Variants in CHD5 observed in about 807,000 individuals in gnomAD.
The protein encoded by CHD5 is ATP-dependent chromatin remodeler CHD5.
Under a neutral mutation model 230.3 loss-of-function variants are expected in CHD5, and 69 were observed. The ratio of observed to expected loss-of-function variants is 0.30; its 90% confidence interval spans 0.25 to 0.37. The LOEUF (loss-of-function observed/expected upper bound fraction) is 0.37, where lower values mean the gene tolerates loss of function less well. CHD5 is among the 10% of genes least tolerant of loss of function. The pLI is 1.00. For missense variants in CHD5, 1,827 were observed against 2,622.8 expected (o/e 0.70, Z 6.63); for synonymous variants, 1,064 against 1,065.9 (o/e 1.00, Z 0.03).
At chr1:6,156,598 C>A (rs527911239) in intron 3 of CHD5, among the ~76,000 whole-genome samples, 5 of 152,054 alleles carry the variant, frequency 3.3e-5, no homozygotes, top group Non-Finnish European at 7.4e-5. Flanking sequence ...GCTACGTCAG[C>A]CCTTGTGAAG....
At position 6,130,397 on chromosome 1, in the gene CHD5, G is replaced by A. The variant is rs1666636243; in HGVS notation, c.3263-69C>T. On this transcript the variant is annotated intron_variant, in intron 21 of 41. Coordinates refer to ENST00000262450, the MANE Select transcript of CHD5 (RefSeq NM_015557.3). The surrounding 1 kb of genome is among the most constrained non-coding windows in gnomAD (Gnocchi z 4.9). ...ACCTTGGGTGGGCAGAAAGGATGGG[G>A]GAGAGAACAGAGAGAAGGAACTGCA... 3 of 1,423,780 alleles carry A rather than the reference G, an allele frequency of 2.1e-6. No homozygotes were observed. Among genetic ancestry groups the A allele is most frequent in the Non-Finnish European group, 2.9e-6 (3 of 1,025,444 alleles). 88.2% of individuals were successfully genotyped at this position (1,423,780 alleles called of 1,614,324 possible). A position where few individuals can be genotyped will look rare whatever the true frequency, so the allele number is the denominator to read the frequency against.
chr1:6,159,408 G>A lies in CHD5; in HGVS notation c.315C>T (p.Asp105=), dbSNP rs2100872873. Reference sequence around the variant, plus strand: ...TTCGCTTGGCTTTTTTCTCCTTCTTGTCCTTGAGTTTCTTCTTCTTCTTTT... The same window carrying A: ...TTCGCTTGGCTTTTTTCTCCTTCTTATCCTTGAGTTTCTTCTTCTTCTTTT... ...PNKKKKKKLK[D]KKEKKAKRKK... The change falls in exon 3 of 42, where the codon GAC becomes GAT. Residue 105 remains aspartate, a synonymous_variant. Coordinates refer to ENST00000262450, the MANE Select transcript of CHD5 (RefSeq NM_015557.3). The A allele has an allele frequency of 6.4e-7, 1 of 1,556,766 alleles. No individual in the cohort carries two copies.
At chr1:6,161,861 G>C (rs1392110874) in intron 2 of CHD5, among the ~76,000 whole-genome samples, 1 of 152,190 alleles carries the variant, frequency 6.6e-6, no homozygotes, top group Non-Finnish European at 1.5e-5. Context: ...AAGGGGCCCT[G>C]GGTGGCCTTC....
intron 9 of CHD5, among the ~76,000 whole-genome samples, chr1:6,147,470 G>C (rs1463273482): frequency 2.0e-4 from 31 of 152,228 alleles, no homozygotes; most frequent in Admixed American, 2.0e-3. Flanking sequence ...ACAGATGCTA[G>C]GGTGACAGTG....
Position 6,103,535 on chromosome 1 carries a change from C to A in CHD5, c.*1939G>T, listed in dbSNP as rs1666109190. 2 of 152,390 alleles carry A rather than the reference C, an allele frequency of 1.3e-5. No individual in the cohort carries two copies. The highest frequency in any genetic ancestry group is 6.5e-5 in the Admixed American group (1 of 15,288). The allele number at this position is 152,390 out of a possible 1,614,324, so 9.4% of individuals were successfully genotyped here. ...GGCACTGCTCCCAACGAGGGCCAAC[C>A]CCAGTGCTTGCCACTGCTTGTTTGG... On this transcript the variant is annotated 3_prime_UTR_variant, in exon 42 of 42. Transcript: ENST00000262450.
chr1:6,122,892 A>G (rs1666493316), intron 31 of CHD5, among the ~76,000 whole-genome samples: 1 of 152,122 alleles, frequency 6.6e-6, no homozygotes, highest in South Asian at 2.1e-4. Context: ...CAACATGGCG[A>G]AACCCCGTCT....
intron 9 of CHD5, among the ~76,000 whole-genome samples, chr1:6,147,421 C>A (rs1666928697): frequency 6.6e-6 from 1 of 152,180 alleles, no homozygotes; most frequent in Non-Finnish European, 1.5e-5. Context: ...CAATGAGGCC[C>A]CATCTCTGGC....
rs192081381 is a variant in CHD5, at chr1:6,118,210, T to C, written c.4912+2895A>G. On this transcript the variant is annotated intron_variant, in intron 33 of 41. Transcript: ENST00000262450. ...GGGCAACATGGCAAAACCCCGTCTC[T>C]ACAAAGAATACAAAAATTAGCCGGG... 4.4e-3 allele frequency among the ~76,000 whole-genome samples: 672 copies of C among 151,960 alleles called. 4 individuals carry two copies. Among genetic ancestry groups the C allele is most frequent in the African/African-American group, 0.015 (606 of 41,416 alleles).
intron 13 of CHD5, among the ~76,000 whole-genome samples, chr1:6,143,354 C>A (rs574261021): frequency 6.6e-6 from 1 of 152,200 alleles, no homozygotes; most frequent in Non-Finnish European, 1.5e-5. Flanking sequence ...TGATCCTGCT[C>A]CAGGTCACTG....
chr1:6,173,991 G>A (rs1571176098), intron 1 of CHD5, among the ~76,000 whole-genome samples: 1 of 152,252 alleles, frequency 6.6e-6, no homozygotes, highest in South Asian at 2.1e-4. Flanking sequence ...GTGGAGGGAA[G>A]AGACGGGGAT....
rs1167623527 is a variant in CHD5 at position 6,165,353 on chromosome 1, C to A, written c.207+2797G>T. ...AGGGCTCCCACAGGTCTCTGCTGCA[C>A]CCCACTGGGTCCTTCTTCTGCATTT... On this transcript the variant is annotated intron_variant, in intron 2 of 41. Transcript: ENST00000262450. 1.3e-5 allele frequency among the ~76,000 whole-genome samples: 2 copies of A among 152,144 alleles called. 1 individual carries two copies. The highest frequency in any genetic ancestry group is 4.1e-4 in the South Asian group (2 of 4,822).
intron 20 of CHD5, 135 bp downstream of exon 20, chr1:6,133,991 GAC>G: frequency 1.2e-6 from 1 of 811,174 alleles, no homozygotes. Flanking sequence ...AGTGACCCCT[GAC>G]ACACAGTCAC....
intron 2 of CHD5, among the ~76,000 whole-genome samples, chr1:6,162,093 G>A (rs1288324180): frequency 6.6e-6 from 1 of 152,040 alleles, no homozygotes; most frequent in Non-Finnish European, 1.5e-5. Flanking sequence ...GTAAGAAAAT[G>A]CCTTGAGGCT....
rs56933510 is a variant in CHD5, at chr1:6,159,227, TCACACACACACACACACA to T, written c.387+91_387+108del. On this transcript the variant is annotated intron_variant, in intron 3 of 41. Transcript: ENST00000262450. Reference sequence around the variant, plus strand: ...AGCCTGGCAACAGAGTGAGACTCCATCACACACACACACACACACACACACACACACAGAACATACAGG... The same window carrying T: ...AGCCTGGCAACAGAGTGAGACTCCATCACACACACACACAGAACATACAGG... The T allele has an allele frequency of 3.6e-6, 5 of 1,401,428 alleles. No individual in the cohort carries two copies. In the East Asian group the frequency reaches 1.0e-4, roughly 29 times the overall value. The allele number at this position is 1,401,428 out of a possible 1,614,324, so 86.8% of individuals were successfully genotyped here.
chr1:6,121,658 T>C lies in CHD5; in HGVS notation c.4700-85A>G. On this transcript the variant is annotated intron_variant, in intron 31 of 41. Coordinates refer to ENST00000262450, the MANE Select transcript of CHD5 (RefSeq NM_015557.3). This position sits in a 1 kb window ranked among gnomAD's most constrained non-coding sequence, Gnocchi z 4.5. Reference sequence around the variant, plus strand: ...GGAGTGGGGTGGCAGAGAGGAGAGATGGGGGCTTGGCCTTCGGGAGGCTCC... The same window carrying C: ...GGAGTGGGGTGGCAGAGAGGAGAGACGGGGGCTTGGCCTTCGGGAGGCTCC... The C allele has an allele frequency of 3.2e-6, 3 of 940,430 alleles. No homozygotes were observed. The highest frequency in any genetic ancestry group is 4.9e-6 in the Non-Finnish European group (3 of 607,832). The allele number at this position is 940,430 out of a possible 1,614,324, so 58.3% of individuals were successfully genotyped here. A position where few individuals can be genotyped will look rare whatever the true frequency, so the allele number is the denominator to read the frequency against.
chr1:6,112,525 G>A (rs532684246), intron 34 of CHD5, among the ~76,000 whole-genome samples: 16 of 152,336 alleles, frequency 1.1e-4, no homozygotes, highest in African/African-American at 3.8e-4. Context: ...TAGGACAGGA[G>A]AGCGCTGTGA....
intron 38 of CHD5, among the ~76,000 whole-genome samples, chr1:6,108,185 T>G (rs1280245773): frequency 2.0e-3 from 102 of 50,550 alleles, no homozygotes; most frequent in African/African-American, 2.4e-3. Flanking sequence ...TGATGGAGGG[T>G]TGGAGGGGTG....
In CHD5 at chr1:6,167,373, G is replaced by A. The variant is rs753225530; in HGVS notation, c.207+777C>T. The stretch of plus-strand genomic sequence containing the variant: ...TTGCCATTGCTCTCAACATAGGGTC[G>A]CTTGGAGGATCAGAGGAGACGCCCA... On this transcript the variant is annotated intron_variant, in intron 2 of 41. Coordinates refer to ENST00000262450, the MANE Select transcript of CHD5 (RefSeq NM_015557.3). This position sits in a 1 kb window ranked among gnomAD's most constrained non-coding sequence, Gnocchi z 4.5. Among the ~76,000 whole-genome samples, 78 of 152,176 alleles carry A rather than the reference G, an allele frequency of 5.1e-4. No homozygotes were observed. Among genetic ancestry groups the A allele is most frequent in the Non-Finnish European group, 6.6e-4 (45 of 68,030 alleles).
chr1:6,161,553 G>T (rs938489772), intron 2 of CHD5, among the ~76,000 whole-genome samples: 4 of 152,220 alleles, frequency 2.6e-5, no homozygotes, highest in Non-Finnish European at 5.9e-5. Flanking sequence ...CGGAACCCGG[G>T]TGTTTCCGGG....
Sources: gnomAD v4.1 joint callset for allele counts (sites outside exome capture counted in the v4.1 genomes callset) on GRCh38, gnomAD v4.1.1 for gene constraint, Gnocchi (gnomAD v3.1) non-coding constraint, MANE v1.5 for transcripts, NCBI Gene and HGNC (gene_info 2026-07-23, HGNC 2026-07-21) for gene names.